The following BRF1 variants were observed in gnomAD, a reference collection of about 807,000 sequenced individuals.
The protein encoded by BRF1 is transcription factor IIIB 90 kDa subunit.
A neutral mutation model predicts 81.7 loss-of-function variants in BRF1; 59 were observed. That is an observed-to-expected ratio of 0.72 (90% CI 0.59 to 0.90). The LOEUF is 0.90. Among genes scored for constraint, BRF1 ranks in the 40% least tolerant of loss-of-function variants. The probability of loss-of-function intolerance (pLI) is 0.00; values close to 1 mark genes in which losing one functional copy is unlikely to be tolerated. For missense variants in BRF1, 1,050 were observed against 936.3 expected, an observed-to-expected ratio of 1.12 and a Z score of -1.58; for synonymous variants, 491 against 395.6, an observed-to-expected ratio of 1.24 and a Z score of -2.86.
intron 2 of BRF1, 98 bp downstream of exon 2, chr14:105,286,198 A>G: frequency 7.6e-7 from 1 of 1,322,458 alleles, no homozygotes; most frequent in Non-Finnish European, 1.1e-6. Flanking sequence ...GTGGCAGGCC[A>G]TGAGGTCCAT....
chr14:105,210,721 G>A lies in BRF1; in HGVS notation c.1997-133C>T, dbSNP rs10149753. The A allele has an allele frequency of 0.013, 11,480 of 895,420 alleles. 898 individuals are homozygous for A. In the African/African-American group the frequency reaches 0.19, roughly 15 times the overall value. The allele number at this position is 895,420 out of a possible 1,614,324, so 55.5% of individuals were successfully genotyped here. A position where few individuals can be genotyped will look rare whatever the true frequency, so the allele number is the denominator to read the frequency against. ...CCCCAGCCCCAGCCCCCCGCGCCCC[G>A]CCAGGAGCCATCTTGGGCTCCTCTC... On this transcript the variant is annotated intron_variant, in intron 17 of 17. Transcript: ENST00000547530. This position sits in a 1 kb window ranked among gnomAD's most constrained non-coding sequence, Gnocchi z 4.7.
At chr14:105,272,470 C>A (rs914856883) in intron 3 of BRF1, among the ~76,000 whole-genome samples, 1 of 152,246 alleles carries the variant, frequency 6.6e-6, no homozygotes, top group African/African-American at 2.4e-5. Context: ...CAGGCACCGA[C>A]AGAACCCTCG....
At chr14:105,229,594 G>T (rs72709734) in intron 6 of BRF1, among the ~76,000 whole-genome samples, 1 of 151,954 alleles carries the variant, frequency 6.6e-6, no homozygotes, top group Non-Finnish European at 1.5e-5. Flanking sequence ...TGACAGCTGC[G>T]ACCTGGGGGG....
chr14:105,275,803 G>A (rs949395159), intron 2 of BRF1, among the ~76,000 whole-genome samples: 1 of 152,256 alleles, frequency 6.6e-6, no homozygotes, highest in African/African-American at 2.4e-5. Flanking sequence ...CAGGGCCTTT[G>A]CGGGAGACTA....
At chr14:105,310,181 C>A (rs369283125) in intron 1 of BRF1, among the ~76,000 whole-genome samples, 1 of 152,126 alleles carries the variant, frequency 6.6e-6, no homozygotes, top group South Asian at 2.1e-4. Flanking sequence ...CCATTTTCCA[C>A]TGGGAATTTT....
upstream of BRF1, chr14:105,301,090 C>T (rs2058001935): frequency 6.6e-6 from 1 of 152,218 alleles, no homozygotes; most frequent in African/African-American, 2.4e-5. Context: ...GGGACTAGAG[C>T]TAAGGGTGGG....
chr14:105,216,292 C>A (rs1032100350), intron 15 of BRF1, among the ~76,000 whole-genome samples: 2 of 152,224 alleles, frequency 1.3e-5, no homozygotes. Context: ...CCACCTCCAG[C>A]GCTGACAGAG....
chr14:105,225,948 A>G (rs1893017385), intron 10 of BRF1, 121 bp downstream of exon 10: 1 of 1,061,342 alleles, frequency 9.4e-7, no homozygotes, highest in East Asian at 2.5e-5. Context: ...GCCCGGTGGT[A>G]AACTTACATT....
At chr14:105,312,910 T>C (rs1444109284) in intron 1 of BRF1, among the ~76,000 whole-genome samples, 1 of 152,218 alleles carries the variant, frequency 6.6e-6, no homozygotes, top group Non-Finnish European at 1.5e-5. Flanking sequence ...CGGGCCACTC[T>C]GGTACAGACT....
Position 105,226,233 on chromosome 14 carries a change from G to A in BRF1, c.955+18C>T. ...CCCAACAAAACAGAAGCATTACATG[G>A]GAAGATTGGTTGGTTACCTTCAACC... On this transcript the variant is annotated intron_variant, in intron 9 of 17. Coordinates refer to ENST00000547530, the MANE Select transcript of BRF1 (RefSeq NM_001519.4). 6.2e-7 allele frequency: 1 copy of A among 1,614,054 alleles called. No individual in the cohort carries two copies. Among genetic ancestry groups the A allele is most frequent in the Non-Finnish European group, 8.5e-7 (1 of 1,180,012 alleles).
chr14:105,241,474 G>C, intron 5 of BRF1, 60 bp from the exon 6 acceptor site: 1 of 1,595,708 alleles, frequency 6.3e-7, no homozygotes, highest in Non-Finnish European at 8.5e-7. Context: ...TGCACAGGCG[G>C]CCCACGCAGC....
chr14:105,304,133 G>A (rs897838235), upstream of BRF1, among the ~76,000 whole-genome samples: 20 of 152,232 alleles, frequency 1.3e-4, no homozygotes, highest in African/African-American at 4.3e-4. Flanking sequence ...AGGCTGTACA[G>A]GACAGGATTG....
At chr14:105,310,797 C>G (rs935124868) in intron 1 of BRF1, among the ~76,000 whole-genome samples, 1 of 152,136 alleles carries the variant, frequency 6.6e-6, no homozygotes, top group African/African-American at 2.4e-5. Flanking sequence ...AAAGGAGAAA[C>G]CAAATCAATG....
At chr14:105,229,085 C>A (rs901355767) in intron 6 of BRF1, among the ~76,000 whole-genome samples, 172 bp from the exon 7 acceptor site, 4 of 152,204 alleles carry the variant, frequency 2.6e-5, no homozygotes, top group African/African-American at 9.7e-5. Flanking sequence ...AACGACATGA[C>A]CCTCTCTATC....
intron 6 of BRF1, among the ~76,000 whole-genome samples, chr14:105,229,436 T>A (rs898531228): frequency 1.3e-5 from 2 of 152,168 alleles, no homozygotes; most frequent in Non-Finnish European, 2.9e-5. Flanking sequence ...GCCTGCCGGG[T>A]AGAGTGGACT....
rs1237080721 is a variant in BRF1 at position 105,217,779 on chromosome 14, G to A, written c.1537C>T (p.Arg513Trp). Residue 513 changes from arginine (R) to tryptophan (W), a missense_variant, in exon 15 of 18, where the codon CGG becomes TGG. Transcript: ENST00000547530. ...EHKPKKSCKR[R>W]EPIQASTARE... ...GCGGTACTGGCCTGAATTGGCTCCC[G>A]TCGCTTGCAAGACTTCTTGGGCTTG... The A allele has an allele frequency of 1.1e-5, 18 of 1,612,480 alleles. No homozygotes were observed. Among genetic ancestry groups the A allele is most frequent in the Admixed American group, 1.7e-5 (1 of 59,994 alleles).
At chr14:105,248,115 G>A in intron 5 of BRF1, 1 of 985,486 alleles carries the variant, frequency 1.0e-6, no homozygotes, top group Non-Finnish European at 1.2e-6. Flanking sequence ...CCGGGAAATA[G>A]CAGCGCCTGC....
At chr14:105,227,780 C>T (rs894253295) in intron 7 of BRF1, 5 of 152,254 alleles carry the variant, frequency 3.3e-5, no homozygotes, top group African/African-American at 1.2e-4. Flanking sequence ...AAACACGTTT[C>T]ATCAAAGATT....
At chr14:105,217,946 T>C in intron 14 of BRF1, 146 bp from the exon 15 acceptor site, 2 of 1,329,216 alleles carry the variant, frequency 1.5e-6, no homozygotes, top group South Asian at 2.9e-5. Flanking sequence ...CCCCCCAGAA[T>C]GTGGGCCAGC....
Sources: gnomAD v4.1 joint callset for allele counts (sites outside exome capture counted in the v4.1 genomes callset) on GRCh38, gnomAD v4.1.1 for gene constraint, Gnocchi (gnomAD v3.1) non-coding constraint, MANE v1.5 for transcripts, NCBI Gene and HGNC (gene_info 2026-07-23, HGNC 2026-07-21) for gene names.